The following MARCHF1 variants were observed in gnomAD, a reference collection of about 807,000 sequenced individuals.
MARCHF1 encodes the protein E3 ubiquitin-protein ligase MARCHF1.
In MARCHF1, 40 loss-of-function variants were observed where a neutral mutation model predicts 54.2. The observed-to-expected ratio is 0.74, with a 90% CI of 0.57 to 0.96. MARCHF1 has a LOEUF of 0.96. Ranked by LOEUF, MARCHF1 falls within the 40% of genes least tolerant of loss-of-function variation. The pLI is 0.00. For synonymous variants in MARCHF1, 236 were observed against 236.3 expected (o/e 1.00, Z 0.01); for missense variants, 586 against 656.5 (o/e 0.89, Z 1.17).
chr4:164,156,871 C>A (rs1409152680), intron 1 of MARCHF1, among the ~76,000 whole-genome samples: 1 of 151,874 alleles, frequency 6.6e-6, no homozygotes, highest in Non-Finnish European at 1.5e-5. Context: ...CAGCTGGAGA[C>A]ATGCTTCTCA....
At chr4:163,805,341 G>A (rs1309539812) in intron 4 of MARCHF1, among the ~76,000 whole-genome samples, 2 of 149,952 alleles carry the variant, frequency 1.3e-5, no homozygotes, top group Non-Finnish European at 1.5e-5. Context: ...TTGGATGAAA[G>A]TAAAAGAAAT....
At chr4:163,900,753 T>A (rs959776898) in intron 3 of MARCHF1, among the ~76,000 whole-genome samples, 11 of 152,182 alleles carry the variant, frequency 7.2e-5, no homozygotes, top group African/African-American at 2.7e-4. Flanking sequence ...ATATTAGGAA[T>A]CTTTCTTGTG....
intron 5 of MARCHF1, among the ~76,000 whole-genome samples, chr4:163,648,969 C>G (rs1742865071): frequency 6.6e-6 from 1 of 150,658 alleles, no homozygotes; most frequent in African/African-American, 2.4e-5. Flanking sequence ...AACCTATTTT[C>G]CCAATGTGAT....
chr4:164,127,164 C>A (rs1389816760), intron 1 of MARCHF1, among the ~76,000 whole-genome samples: 1 of 152,320 alleles, frequency 6.6e-6, no homozygotes, highest in Non-Finnish European at 1.5e-5. Context: ...AATTGAGTTT[C>A]TGTCCTCGTG....
Position 163,612,991 on chromosome 4 carries a change from G to T in MARCHF1, c.290C>A (p.Thr97Asn). The stretch of plus-strand genomic sequence containing the variant: ...AGCAGGGCTCAGCACCATGACAGGG[G>T]TGCAATACTCAAATGACTCTTCTGA... ...DMSEESFEYC[T>N]PVMVLSPARK... is the part of the protein sequence containing the mutation. Residue 97 changes from threonine (T) to asparagine (N), a missense_variant, in exon 7 of 10, where the codon ACC (threonine) becomes AAC (asparagine). Thr to Asn is a moderately conservative substitution (Grantham distance 65). Around this residue, in one of 3 missense-constraint regions of MARCHF1, gnomAD observed 387 missense variants for 394.6 expected, o/e 0.98. Coordinates refer to ENST00000514618, the MANE Select transcript of MARCHF1 (RefSeq NM_001394959.1). 5 of 1,525,588 alleles carry T rather than the reference G, an allele frequency of 3.3e-6. No individual in the cohort carries two copies. The highest frequency in any genetic ancestry group is 8.7e-7 in the Non-Finnish European group (1 of 1,143,506). 94.5% of individuals were successfully genotyped at this position (1,525,588 alleles called of 1,614,324 possible).
At chr4:164,143,489 C>G (rs1318584590) in intron 1 of MARCHF1, among the ~76,000 whole-genome samples, 4 of 150,714 alleles carry the variant, frequency 2.7e-5, no homozygotes, top group East Asian at 1.9e-4. Context: ...AGAAACTCTA[C>G]AAGCCAGAAG....
intron 3 of MARCHF1, among the ~76,000 whole-genome samples, chr4:163,947,468 C>T (rs72687925): frequency 0.12 from 18,629 of 151,988 alleles, 1,256 homozygotes; most frequent in Non-Finnish European, 0.15. Context: ...CAGGTGGGTC[C>T]GATATAATCA....
chr4:163,788,622 G>A (rs1044917666), intron 4 of MARCHF1, among the ~76,000 whole-genome samples: 2 of 152,006 alleles, frequency 1.3e-5, no homozygotes, highest in South Asian at 2.1e-4. Flanking sequence ...TTAGATTGGG[G>A]TTATGAATTT....
intron 3 of MARCHF1, among the ~76,000 whole-genome samples, chr4:163,903,976 T>G (rs1751000649): frequency 6.6e-6 from 1 of 152,194 alleles, no homozygotes; most frequent in Non-Finnish European, 1.5e-5. Context: ...TAAATAGTGT[T>G]TTTAATTATT....
intron 3 of MARCHF1, among the ~76,000 whole-genome samples, chr4:163,938,477 T>C (rs563664644): frequency 6.6e-6 from 1 of 152,126 alleles, no homozygotes; most frequent in Non-Finnish European, 1.5e-5. Flanking sequence ...AGATATTCAT[T>C]GGTAAGGAAA....
chr4:164,189,318 A>G, intron 1 of MARCHF1: 2 of 481,298 alleles, frequency 4.2e-6, no homozygotes, highest in South Asian at 3.0e-5. Context: ...CCTTCTATGA[A>G]GGAGAAGACT....
chr4:164,280,827 C>T (rs1734007574), intron 1 of MARCHF1, among the ~76,000 whole-genome samples: 1 of 151,928 alleles, frequency 6.6e-6, no homozygotes, highest in Non-Finnish European at 1.5e-5. Context: ...TTCTATTTTC[C>T]TATTCCTGAC....
At chr4:163,723,144 G>A (rs997517500) in intron 4 of MARCHF1, among the ~76,000 whole-genome samples, 1 of 152,168 alleles carries the variant, frequency 6.6e-6, no homozygotes, top group African/African-American at 2.4e-5. Context: ...GTTTGGCATG[G>A]TTTTGCACTG....
In MARCHF1 at chr4:164,356,763, TA is replaced by T. The variant is rs1227464195; in HGVS notation, c.-323+27106del. Reference sequence around the variant, plus strand: ...ATGTACCCTAAAACTTAAAGTATAATAAAAAAAAAAGAAAAGCAAAAAAAAA... The same window carrying T: ...ATGTACCCTAAAACTTAAAGTATAATAAAAAAAAAGAAAAGCAAAAAAAAA... On this transcript the variant is annotated intron_variant, in intron 1 of 9. Transcript: ENST00000514618. 6.7e-3 allele frequency among the ~76,000 whole-genome samples: 206 copies of T among 30,776 alleles called. 3 individuals are homozygous for T. Among genetic ancestry groups the T allele is most frequent in the Middle Eastern group, 0.015 (1 of 66 alleles). The allele number at this position is 30,776 out of a possible 152,430, so 20.2% of individuals were successfully genotyped here. A position where few individuals can be genotyped will look rare whatever the true frequency, so the allele number is the denominator to read the frequency against.
intron 2 of MARCHF1, among the ~76,000 whole-genome samples, chr4:164,054,397 C>T (rs1463285094): frequency 1.3e-5 from 2 of 151,514 alleles, no homozygotes; most frequent in Non-Finnish European, 3.0e-5. Flanking sequence ...ACTGGAAATA[C>T]CATTTGACCC....
At chr4:164,024,031 A>T (rs1175023879) in intron 2 of MARCHF1, among the ~76,000 whole-genome samples, 6 of 152,198 alleles carry the variant, frequency 3.9e-5, no homozygotes, top group Non-Finnish European at 7.4e-5. Flanking sequence ...CAGAAAAAAA[A>T]TACAGAAAAA....
chr4:164,056,980 G>T (rs182084308), intron 2 of MARCHF1, among the ~76,000 whole-genome samples: 1 of 152,144 alleles, frequency 6.6e-6, no homozygotes, highest in Admixed American at 6.5e-5. Context: ...AAGGTTACAT[G>T]GTATTGTAGG....
At chr4:163,862,670 G>C (rs1433293709) in intron 3 of MARCHF1, among the ~76,000 whole-genome samples, 1 of 152,004 alleles carries the variant, frequency 6.6e-6, no homozygotes, top group Non-Finnish European at 1.5e-5. Flanking sequence ...ACTAATGAAG[G>C]TAAACATAAT....
At chr4:163,626,685 T>G (rs1209046770) in intron 5 of MARCHF1, among the ~76,000 whole-genome samples, 1 of 152,094 alleles carries the variant, frequency 6.6e-6, no homozygotes, top group Non-Finnish European at 1.5e-5. Flanking sequence ...TCCCAGCATT[T>G]TGGGAGGCCG....
Sources: gnomAD v4.1 joint callset for allele counts (sites outside exome capture counted in the v4.1 genomes callset) on GRCh38, gnomAD v4.1.1 for gene constraint, gnomAD v4.1.1 regional missense constraint, MANE v1.5 for transcripts, NCBI Gene and HGNC (gene_info 2026-07-23, HGNC 2026-07-21) for gene names.